The following RICTOR variants were observed in gnomAD, a reference collection of about 807,000 sequenced individuals.
The protein encoded by RICTOR is rapamycin-insensitive companion of mTOR.
RICTOR carries 49 observed loss-of-function variants against 214.9 expected under a neutral mutation model. That is an observed-to-expected ratio of 0.23 (90% CI 0.18 to 0.29). RICTOR has a LOEUF of 0.29. Ranked by LOEUF, RICTOR falls within the 10% of genes least tolerant of loss-of-function variation. The pLI, the probability that RICTOR is intolerant of heterozygous loss-of-function variation, is 1.00. For missense variants in RICTOR, 1,625 were observed against 2,047.0 expected (o/e 0.79, Z 3.98); for synonymous variants, 717 against 711.3 (o/e 1.01, Z -0.13).
chr5:38,996,340 G>T (rs565897273), intron 6 of RICTOR, among the ~76,000 whole-genome samples: 24 of 152,268 alleles, frequency 1.6e-4, no homozygotes, highest in African/African-American at 5.3e-4. Flanking sequence ...GTGGAGTGTA[G>T]GCTGTGACCT....
At chr5:39,045,951 C>A (rs951466371) in intron 2 of RICTOR, among the ~76,000 whole-genome samples, 2 of 151,832 alleles carry the variant, frequency 1.3e-5, no homozygotes, top group African/African-American at 4.8e-5. Context: ...CACATCTTAT[C>A]TTATTCCAGT....
intron 3 of RICTOR, among the ~76,000 whole-genome samples, chr5:39,014,071 G>C (rs1052941208): frequency 2.0e-5 from 3 of 151,976 alleles, no homozygotes; most frequent in African/African-American, 7.2e-5. Context: ...TGCTGTACAT[G>C]TTCATAGCCT....
chr5:39,064,865 G>A (rs572438136), intron 2 of RICTOR, among the ~76,000 whole-genome samples: 1 of 152,234 alleles, frequency 6.6e-6, no homozygotes, highest in South Asian at 2.1e-4. Context: ...GAATTACAAA[G>A]GTAGGAGGCT....
At chr5:39,019,550 A>G (rs1407351409) in intron 3 of RICTOR, among the ~76,000 whole-genome samples, 5 of 152,196 alleles carry the variant, frequency 3.3e-5, no homozygotes, top group African/African-American at 7.2e-5. Context: ...TGTTTACAGC[A>G]TGGTTTACTA....
At chr5:38,996,473 T>C (rs546177272) in intron 6 of RICTOR, among the ~76,000 whole-genome samples, 1 of 152,312 alleles carries the variant, frequency 6.6e-6, no homozygotes, top group South Asian at 2.1e-4. Context: ...TAACTCTAAG[T>C]ATGCAATTAA....
intron 6 of RICTOR, among the ~76,000 whole-genome samples, chr5:38,993,182 C>G (rs758453147): frequency 6.6e-6 from 1 of 152,144 alleles, no homozygotes; most frequent in African/African-American, 2.4e-5. Context: ...GGAAATTTTG[C>G]AGAAGAGGGT....
chr5:39,046,877 T>C (rs1199664567), intron 2 of RICTOR, among the ~76,000 whole-genome samples: 1 of 152,154 alleles, frequency 6.6e-6, no homozygotes, highest in Non-Finnish European at 1.5e-5. Flanking sequence ...TATATCCTTT[T>C]CCTCAGGTTT....
At chr5:38,994,351 A>G (rs1489330678) in intron 6 of RICTOR, among the ~76,000 whole-genome samples, 2 of 149,594 alleles carry the variant, frequency 1.3e-5, no homozygotes, top group Non-Finnish European at 3.0e-5. Context: ...AAAATGGGAA[A>G]TAACTTCAGG....
chr5:39,065,601 G>A (rs1228168708), intron 2 of RICTOR, among the ~76,000 whole-genome samples: 1 of 152,176 alleles, frequency 6.6e-6, no homozygotes, highest in Admixed American at 6.6e-5. Context: ...TTCCACTTAT[G>A]AGGCTGTAAA....
At chr5:38,994,613 A>G (rs1753042464) in intron 6 of RICTOR, among the ~76,000 whole-genome samples, 1 of 152,036 alleles carries the variant, frequency 6.6e-6, no homozygotes, top group Non-Finnish European at 1.5e-5. Flanking sequence ...CCACCACCAA[A>G]TATCAGCAAT....
chr5:39,062,483 T>G (rs1017311665), intron 2 of RICTOR, among the ~76,000 whole-genome samples: 1 of 151,968 alleles, frequency 6.6e-6, no homozygotes, highest in Non-Finnish European at 1.5e-5. Flanking sequence ...AGAAAGTGCA[T>G]TATAGAATTA....
chr5:38,948,161 GTATA>G lies in RICTOR; in HGVS notation c.4137-724_4137-721del, dbSNP rs145635083. Among the ~76,000 whole-genome samples the G allele has an allele frequency of 5.6e-3, 846 of 152,164 alleles. 8 individuals are homozygous for G. Among genetic ancestry groups the G allele is most frequent in the African/African-American group, 0.019 (805 of 41,520 alleles). On this transcript the variant is annotated intron_variant, in intron 31 of 37. Coordinates refer to ENST00000357387, the MANE Select transcript of RICTOR (RefSeq NM_152756.5). ...CTAAAATATTTACTTGGTATCTGCT[GTATA>G]TATACAAGGCACTATGCAAGGTTCC...
At chr5:39,018,788 T>G (rs1755163223) in intron 3 of RICTOR, among the ~76,000 whole-genome samples, 2 of 152,130 alleles carry the variant, frequency 1.3e-5, no homozygotes, top group Admixed American at 1.3e-4. Context: ...GGCCTCTAAG[T>G]GTTCAAGTGA....
chr5:38,992,145 C>T (rs531006980), intron 6 of RICTOR, among the ~76,000 whole-genome samples: 37 of 152,184 alleles, frequency 2.4e-4, no homozygotes, highest in African/African-American at 7.9e-4. Flanking sequence ...CCTGAAATTA[C>T]AGAATACAGT....
chr5:39,064,598 C>T (rs150319572), intron 2 of RICTOR, among the ~76,000 whole-genome samples: 4 of 152,312 alleles, frequency 2.6e-5, no homozygotes, highest in African/African-American at 9.6e-5. Flanking sequence ...CATTCGCTCA[C>T]CCCACTGTGC....
chr5:39,060,984 C>T (rs1301221804), intron 2 of RICTOR, among the ~76,000 whole-genome samples: 1 of 151,982 alleles, frequency 6.6e-6, no homozygotes, highest in Non-Finnish European at 1.5e-5. Context: ...ACATATTCTC[C>T]TAAGTATGTA....
intron 4 of RICTOR, among the ~76,000 whole-genome samples, chr5:39,002,952 G>A (rs1488045611): frequency 3.3e-5 from 5 of 151,926 alleles, no homozygotes; most frequent in Non-Finnish European, 5.9e-5. Flanking sequence ...AATGGAAACA[G>A]CCTTTGTTTT....
intron 7 of RICTOR, among the ~76,000 whole-genome samples, chr5:38,985,131 T>A (rs940845126): frequency 1.6e-4 from 25 of 152,164 alleles, no homozygotes; most frequent in Non-Finnish European, 3.4e-4. Flanking sequence ...TGCTTAGCCA[T>A]GCATTTCTTT....
rs558422244 is a variant in RICTOR, at chr5:39,070,224, G to C, written c.97+3887C>G. Among the ~76,000 whole-genome samples the C allele has an allele frequency of 5.7e-3, 863 of 152,262 alleles. 10 individuals carry two copies. The highest frequency in any genetic ancestry group is 0.02 in the African/African-American group (846 of 41,556). On this transcript the variant is annotated intron_variant, in intron 2 of 37. Transcript: ENST00000357387. ...CTCACGCCTGTAATCCCAGCACTTT[G>C]GGAGGCCGAGGCGGGTGGATCATGA...
Sources: allele counts gnomAD v4.1 joint callset (sites outside exome capture counted in the v4.1 genomes callset), GRCh38; gene constraint gnomAD v4.1.1; transcripts MANE v1.5; gene names NCBI Gene and HGNC (gene_info 2026-07-23, HGNC 2026-07-21).